Variants in LDAH observed in about 807,000 individuals in gnomAD.
The protein encoded by LDAH is lipid droplet associated hydrolase.
Under a neutral mutation model 29.6 loss-of-function variants are expected in LDAH, and 26 were observed. The observed-to-expected ratio is 0.88, with a 90% confidence interval of 0.64 to 1.22. The LOEUF (loss-of-function observed/expected upper bound fraction) is 1.22, where lower values mean the gene tolerates loss of function less well. Among genes scored for constraint, LDAH ranks in the 50% most tolerant of loss-of-function variants. The probability of loss-of-function intolerance (pLI) is 0.00; values close to 1 mark genes in which losing one functional copy is unlikely to be tolerated. For missense variants in LDAH, 344 were observed against 387.3 expected (o/e 0.89, Z 0.94); for synonymous variants, 117 against 133.0 (o/e 0.88, Z 0.83).
intron 5 of LDAH, among the ~76,000 whole-genome samples, chr2:20,732,653 T>C (rs1378475084): frequency 6.6e-6 from 1 of 152,242 alleles, no homozygotes; most frequent in East Asian, 1.9e-4. Context: ...TTCATTCCAG[T>C]TGTCAAATTT....
Position 20,801,290 on chromosome 2 carries a change from A to T in LDAH, c.154+20T>A, listed in dbSNP as rs750079772. 4 of 1,604,352 alleles carry T rather than the reference A, an allele frequency of 2.5e-6. No homozygotes were observed. Among genetic ancestry groups the T allele is most frequent in the Non-Finnish European group, 3.4e-6 (4 of 1,176,758 alleles). On this transcript the variant is annotated intron_variant, in intron 2 of 6. Coordinates refer to ENST00000237822, the MANE Select transcript of LDAH (RefSeq NM_021925.4). ...ATGAGTATCTACAAAAAGTCTCCTC[A>T]CCCAGACTTTTACGCTCACCAGGAA...
intron 6 of LDAH, among the ~76,000 whole-genome samples, chr2:20,688,984 C>T (rs1273413445): frequency 5.9e-5 from 9 of 151,890 alleles, no homozygotes. Context: ...TGCTATCCCT[C>T]CCCTACCCCC....
At chr2:20,787,800 T>C (rs889911017) in intron 3 of LDAH, among the ~76,000 whole-genome samples, 3 of 152,210 alleles carry the variant, frequency 2.0e-5, no homozygotes, top group African/African-American at 7.2e-5. Flanking sequence ...AATGTAACTA[T>C]TTCACTAACA....
rs376891814 is a variant in LDAH, at chr2:20,687,014, T to A, written c.867A>T (p.Gly289=). The change falls in exon 7 of 7, where the codon GGA becomes GGT. Residue 289 remains glycine (G), a synonymous_variant. Coordinates refer to ENST00000237822, the MANE Select transcript of LDAH (RefSeq NM_021925.4). ...TGTTTTTCTCACAGAGTCGAATGTC[T>A]CCTTCTGGAAAATCCTTCTTAATGT... ...YEDIKKDFPE[G]DIRLCEKNIP... The A allele has an allele frequency of 2.4e-5, 39 of 1,613,934 alleles. No homozygotes were observed. The highest frequency in any genetic ancestry group is 3.2e-5 in the Non-Finnish European group (38 of 1,179,944).
chr2:20,767,757 C>T (rs1238601411), intron 4 of LDAH, among the ~76,000 whole-genome samples: 1 of 152,206 alleles, frequency 6.6e-6, no homozygotes, highest in African/African-American at 2.4e-5. Flanking sequence ...GCCCATGGAC[C>T]AATCAGTGGG....
chr2:20,700,566 A>G (rs564640600), intron 6 of LDAH, among the ~76,000 whole-genome samples: 16 of 152,278 alleles, frequency 1.1e-4, no homozygotes, highest in Admixed American at 7.8e-4. Flanking sequence ...CCTGAGTCCT[A>G]TGAGAGTTTG....
At chr2:20,815,361 G>A (rs1211181092) in intron 1 of LDAH, among the ~76,000 whole-genome samples, 1 of 151,288 alleles carries the variant, frequency 6.6e-6, no homozygotes, top group Non-Finnish European at 1.5e-5. Context: ...GTATGGCGCT[G>A]AAAAAAATAA....
chr2:20,738,002 C>T (rs1052217473), intron 5 of LDAH, among the ~76,000 whole-genome samples: 1 of 151,860 alleles, frequency 6.6e-6, no homozygotes, highest in African/African-American at 2.4e-5. Context: ...GCCTGTAATC[C>T]CAGAACTTTG....
At position 20,685,022 on chromosome 2, in the gene LDAH, G is replaced by GC. The variant is rs1298102008; in HGVS notation, c.*1880dup. On this transcript the variant is annotated 3_prime_UTR_variant, in exon 7 of 7. Transcript: ENST00000237822. ...AACTGCTCAAATTGTACCCTCTCTT[G>GC]CCCAACACAGAGATCAGGCCAGACC... The GC allele has an allele frequency of 1.4e-6, 2 of 1,465,474 alleles. No individual in the cohort carries two copies. Among genetic ancestry groups the GC allele is most frequent in the African/African-American group, 1.4e-5 (1 of 70,752 alleles). The allele number at this position is 1,465,474 out of a possible 1,614,324, so 90.8% of individuals were successfully genotyped here.
At chr2:20,819,305 T>C (rs1377576851) in intron 1 of LDAH, among the ~76,000 whole-genome samples, 1 of 152,180 alleles carries the variant, frequency 6.6e-6, no homozygotes, top group Non-Finnish European at 1.5e-5. Flanking sequence ...TACTTACCTA[T>C]ATTAAATACA....
At chr2:20,721,497 C>A (rs1163739190) in intron 5 of LDAH, among the ~76,000 whole-genome samples, 2 of 151,930 alleles carry the variant, frequency 1.3e-5, no homozygotes, top group African/African-American at 4.8e-5. Flanking sequence ...AGAACTTACT[C>A]GTGTAACCAA....
chr2:20,811,484 G>GT lies in LDAH; in HGVS notation c.-2-10020dup, dbSNP rs11321857. Among the ~76,000 whole-genome samples, 1,183 of 144,556 alleles carry GT rather than the reference G, an allele frequency of 8.2e-3. 3 individuals are homozygous for GT. The highest frequency in any genetic ancestry group is 0.017 in the African/African-American group (670 of 40,510). 94.8% of individuals were successfully genotyped at this position (144,556 alleles called of 152,430 possible). On this transcript the variant is annotated intron_variant, in intron 1 of 6. Transcript: ENST00000237822. ...GGACTGGATTAACTGGATTAAACTAGTTTTTTTTTTTTGTTTTTTGAGATG... is the reference window on the plus strand; with the variant it reads ...GGACTGGATTAACTGGATTAAACTAGTTTTTTTTTTTTTGTTTTTTGAGATG...
intron 5 of LDAH, among the ~76,000 whole-genome samples, chr2:20,725,595 C>T (rs1052697384): frequency 5.9e-5 from 9 of 152,232 alleles, no homozygotes; most frequent in South Asian, 2.1e-4. Flanking sequence ...ATGTAGTAGA[C>T]GCAATGTAAC....
intron 4 of LDAH, among the ~76,000 whole-genome samples, chr2:20,745,480 T>C (rs1667502500): frequency 6.6e-6 from 1 of 152,174 alleles, no homozygotes; most frequent in Admixed American, 6.6e-5. Flanking sequence ...TCAAGTCCTT[T>C]GCCCATTTTT....
chr2:20,785,569 T>C (rs1488626756), intron 3 of LDAH, among the ~76,000 whole-genome samples: 1 of 152,234 alleles, frequency 6.6e-6, no homozygotes, highest in African/African-American at 2.4e-5. Flanking sequence ...CCTAGACCTG[T>C]GTTTTGTCAT....
chr2:20,707,989 T>A (rs1664436148), intron 5 of LDAH, among the ~76,000 whole-genome samples: 1 of 152,180 alleles, frequency 6.6e-6, no homozygotes, highest in South Asian at 2.1e-4. Flanking sequence ...CTTATGATAA[T>A]CTAATGCCTG....
chr2:20,742,982 C>T (rs550878637), intron 4 of LDAH, among the ~76,000 whole-genome samples: 2 of 151,792 alleles, frequency 1.3e-5, no homozygotes, highest in South Asian at 4.2e-4. Context: ...AGGCTGGTCT[C>T]AAACTCCTGG....
chr2:20,816,829 A>G (rs1672885484), intron 1 of LDAH, among the ~76,000 whole-genome samples: 1 of 152,098 alleles, frequency 6.6e-6, no homozygotes, highest in African/African-American at 2.4e-5. Flanking sequence ...CCTCAGTCAT[A>G]AAAGAAACTT....
chr2:20,739,772 C>T (rs1439787508), intron 5 of LDAH, among the ~76,000 whole-genome samples, 199 bp downstream of exon 5: 1 of 152,006 alleles, frequency 6.6e-6, no homozygotes, highest in Non-Finnish European at 1.5e-5. Flanking sequence ...AAAATTAAAG[C>T]TTGATGAGGC....
Sources: allele counts gnomAD v4.1 joint callset (sites outside exome capture counted in the v4.1 genomes callset), GRCh38; gene constraint gnomAD v4.1.1; transcripts MANE v1.5; gene names NCBI Gene and HGNC (gene_info 2026-07-23, HGNC 2026-07-21).